Variants in NEDD4L observed in about 807,000 individuals in gnomAD.
The protein encoded by NEDD4L is E3 ubiquitin-protein ligase NEDD4-like.
NEDD4L carries 54 observed loss-of-function variants against 148.9 expected under a neutral mutation model. The observed-to-expected ratio is 0.36, with a 90% CI of 0.29 to 0.45. The LOEUF is 0.45. NEDD4L is among the 20% of genes least tolerant of loss of function. The pLI, the probability that NEDD4L is intolerant of heterozygous loss-of-function variation, is 1.00. For missense variants in NEDD4L, 856 were observed against 1,233.8 expected, an observed-to-expected ratio of 0.69 and a Z score of 4.59; for synonymous variants, 433 against 440.7, an observed-to-expected ratio of 0.98 and a Z score of 0.22.
rs558087025 is a variant in NEDD4L at position 58,147,281 on chromosome 18, G to T, written c.49-18507G>T. Reference sequence around the variant, plus strand: ...TATGTGCCTTGGGTCATTCTTTGTTGTGGGGGCTGTCCTGTGCCCCATGGG... The same window carrying T: ...TATGTGCCTTGGGTCATTCTTTGTTTTGGGGGCTGTCCTGTGCCCCATGGG... On this transcript the variant is annotated intron_variant, in intron 1 of 30. Transcript: ENST00000400345. Among the ~76,000 whole-genome samples the T allele has an allele frequency of 2.0e-5, 3 of 152,286 alleles. No individual in the cohort carries two copies. In the South Asian group the frequency reaches 6.2e-4, roughly 32 times the overall value.
chr18:58,083,698 A>C (rs9955454), intron 1 of NEDD4L, among the ~76,000 whole-genome samples: 1 of 64,518 alleles, frequency 1.5e-5, no homozygotes, highest in African/African-American at 6.2e-5. Flanking sequence ...AAAAAACAAA[A>C]AAAACAAAAC....
chr18:58,365,481 GC>G (rs2045998559), intron 20 of NEDD4L, among the ~76,000 whole-genome samples: 1 of 152,128 alleles, frequency 6.6e-6, no homozygotes, highest in Non-Finnish European at 1.5e-5. Context: ...CATGCTTTGG[GC>G]TGCTTTCCCC....
chr18:58,181,733 A>G (rs1320912814), intron 2 of NEDD4L, among the ~76,000 whole-genome samples: 1 of 152,220 alleles, frequency 6.6e-6, no homozygotes, highest in African/African-American at 2.4e-5. Flanking sequence ...ATATTGTTAT[A>G]TAAATAGTTG....
intron 5 of NEDD4L, chr18:58,255,633 T>A: frequency 8.1e-7 from 1 of 1,232,442 alleles, no homozygotes; most frequent in Non-Finnish European, 1.0e-6. Flanking sequence ...CTGGCCCCCC[T>A]GGTCACCATG....
chr18:58,058,926 C>T (rs1399929859), intron 1 of NEDD4L, among the ~76,000 whole-genome samples: 4 of 152,212 alleles, frequency 2.6e-5, no homozygotes, highest in Non-Finnish European at 5.9e-5. Flanking sequence ...GATTTATCTC[C>T]AGTCCCAAGC....
chr18:58,162,395 C>T (rs1281167565), intron 1 of NEDD4L, among the ~76,000 whole-genome samples: 1 of 152,026 alleles, frequency 6.6e-6, no homozygotes, highest in Non-Finnish European at 1.5e-5. Flanking sequence ...CTGCAACTCC[C>T]AGCCCTGCCG....
intron 2 of NEDD4L, chr18:58,221,507 T>G (rs1347219329): frequency 1.0e-6 from 1 of 979,094 alleles, no homozygotes; most frequent in East Asian, 1.1e-4. Flanking sequence ...CAACAAGCAT[T>G]TCTTTCTACC....
At chr18:58,384,118 C>T (rs1287043563) in intron 25 of NEDD4L, among the ~76,000 whole-genome samples, 1 of 152,168 alleles carries the variant, frequency 6.6e-6, no homozygotes, top group South Asian at 2.1e-4. Context: ...GGCTAGGCTC[C>T]CTCCTTTCTT....
intron 18 of NEDD4L, among the ~76,000 whole-genome samples, chr18:58,354,385 T>G (rs2044316779): frequency 6.6e-6 from 1 of 151,984 alleles, no homozygotes; most frequent in African/African-American, 2.4e-5. Context: ...TTCCTTCTTG[T>G]CCTTTTATTG....
At chr18:58,112,351 C>T (rs2145682266) in intron 1 of NEDD4L, among the ~76,000 whole-genome samples, 1 of 147,156 alleles carries the variant, frequency 6.8e-6, no homozygotes, top group African/African-American at 2.5e-5. Flanking sequence ...GGTGGTGGTT[C>T]CTATTTGTCT....
At chr18:58,391,456 T>C (rs2049829697) in intron 29 of NEDD4L, 31 bp from the exon 30 acceptor site, 3 of 1,511,724 alleles carry the variant, frequency 2.0e-6, no homozygotes, top group Middle Eastern at 1.7e-4. Context: ...CCCCAAGCAA[T>C]CTTAACATTT....
At chr18:58,044,770 G>T in intron 1 of NEDD4L, 62 bp downstream of exon 1, 3 of 1,580,162 alleles carry the variant, frequency 1.9e-6, no homozygotes, top group Admixed American at 1.8e-5. Flanking sequence ...CGCCGGCAGG[G>T]GGAGGGGAAA....
intron 2 of NEDD4L, among the ~76,000 whole-genome samples, chr18:58,205,611 A>G (rs2041905625): frequency 6.6e-6 from 1 of 151,850 alleles, no homozygotes. Context: ...TTAAGTTAGT[A>G]AGAATAGAAA....
intron 6 of NEDD4L, among the ~76,000 whole-genome samples, chr18:58,322,182 A>T (rs545048415): frequency 2.5e-4 from 38 of 152,280 alleles, no homozygotes; most frequent in African/African-American, 8.9e-4. Context: ...CTTGGCAATG[A>T]CAGCTGTAAT....
At chr18:58,083,940 G>A (rs943372141) in intron 1 of NEDD4L, among the ~76,000 whole-genome samples, 4 of 152,106 alleles carry the variant, frequency 2.6e-5, no homozygotes, top group Non-Finnish European at 5.9e-5. Flanking sequence ...CATGTTGGCC[G>A]GCCTGGTCTT....
At chr18:58,117,484 G>A (rs2085923143) in intron 1 of NEDD4L, among the ~76,000 whole-genome samples, 1 of 152,292 alleles carries the variant, frequency 6.6e-6, no homozygotes, top group East Asian at 1.9e-4. Context: ...AGTGGAAAAG[G>A]TAAAATTATA....
Position 58,044,671 on chromosome 18 carries a change from G to T in NEDD4L, c.11G>T (p.Gly4Val), listed in dbSNP as rs774159867. The T allele has an allele frequency of 1.2e-6, 2 of 1,604,100 alleles. No individual in the cohort carries two copies. The highest frequency in any genetic ancestry group is 3.4e-5 in the Admixed American group (2 of 59,218). MAT[G>V]LGEPVYGLSE... is the part of the protein sequence containing the mutation. Reference sequence around the variant, plus strand: ...CGGGGCGCCGGCTCCATGGCGACCGGGCTCGGGGAGCCGGTCTATGGACTT... The same window carrying T: ...CGGGGCGCCGGCTCCATGGCGACCGTGCTCGGGGAGCCGGTCTATGGACTT... The change falls in exon 1 of 31, where the codon GGG becomes GTG. Residue 4 changes from glycine (G) to valine (V), a missense_variant. By Grantham distance (109) the Gly-to-Val change is moderately radical. Coordinates refer to ENST00000400345, the MANE Select transcript of NEDD4L (RefSeq NM_001144967.3).
chr18:58,349,676 T>C lies in NEDD4L; in HGVS notation c.1653+62T>C, dbSNP rs2145562070. The C allele has an allele frequency of 5.3e-6, 7 of 1,315,796 alleles. No homozygotes were observed. The South Asian group carries it at 6.0e-5, about 11-fold the overall frequency. The allele number at this position is 1,315,796 out of a possible 1,614,324, so 81.5% of individuals were successfully genotyped here. A position where few individuals can be genotyped will look rare whatever the true frequency, so the allele number is the denominator to read the frequency against. On this transcript the variant is annotated intron_variant, in intron 17 of 30. Transcript: ENST00000400345. The stretch of plus-strand genomic sequence containing the variant: ...TGTGTGTTCCTTTATCCGCTCAATG[T>C]TGATGGAGAGGCCCTGTGGACCTTC...
At chr18:58,045,904 C>T (rs1472949686) in intron 1 of NEDD4L, 2 of 152,124 alleles carry the variant, frequency 1.3e-5, no homozygotes, top group African/African-American at 4.8e-5. Context: ...CTCTTTCTCT[C>T]GTGTTGGGGG....
Sources: allele counts gnomAD v4.1 joint callset (sites outside exome capture counted in the v4.1 genomes callset), GRCh38; gene constraint gnomAD v4.1.1; transcripts MANE v1.5; gene names NCBI Gene and HGNC (gene_info 2026-07-23, HGNC 2026-07-21).